Variants in CTNNA2 observed in about 807,000 individuals in gnomAD.
The protein encoded by CTNNA2 is catenin alpha-2.
In CTNNA2, 42 loss-of-function variants were observed where a neutral mutation model predicts 101.0. That is an observed-to-expected ratio of 0.42 (90% CI 0.32 to 0.54). The LOEUF (loss-of-function observed/expected upper bound fraction) is 0.54. Among genes scored for constraint, CTNNA2 ranks in the 20% least tolerant of loss-of-function variants. The pLI, the probability that CTNNA2 is intolerant of heterozygous loss-of-function variation, is 0.14. For synonymous variants in CTNNA2, 450 were observed against 456.4 expected (o/e 0.99, Z 0.18); for missense variants, 871 against 1,223.1 (o/e 0.71, Z 4.29).
At chr2:79,190,807 G>A (rs544785510) in intron 1 of CTNNA2, among the ~76,000 whole-genome samples, 24 of 152,176 alleles carry the variant, frequency 1.6e-4, no homozygotes, top group South Asian at 2.1e-4. Flanking sequence ...ACTTTTTGTC[G>A]CAAGTAAGAG....
intron 2 of CTNNA2, among the ~76,000 whole-genome samples, chr2:79,250,951 C>G (rs150966355): frequency 5.9e-5 from 9 of 152,262 alleles, no homozygotes; most frequent in East Asian, 1.9e-4. Flanking sequence ...CTACCCCAGG[C>G]TCATTTTCTA....
Position 79,827,720 on chromosome 2 carries a change from GT to G in CTNNA2, c.299-30285del, listed in dbSNP as rs899367829. 2.6e-5 allele frequency among the ~76,000 whole-genome samples: 4 copies of G among 152,118 alleles called. No individual in the cohort carries two copies. The East Asian group carries it at 5.8e-4, about 22-fold the overall frequency. On this transcript the variant is annotated intron_variant, in intron 3 of 18. Coordinates refer to ENST00000402739, the MANE Select transcript of CTNNA2 (RefSeq NM_001282597.3). ...ATATGCCATTGGGCACAAATATATG[GT>G]TTTTTTTAAAAGTCTTATGTGTCAA... is the stretch of plus-strand genomic sequence containing the variant.
chr2:80,553,458 T>C (rs1692763079), intron 11 of CTNNA2, among the ~76,000 whole-genome samples: 1 of 152,148 alleles, frequency 6.6e-6, no homozygotes, highest in Non-Finnish European at 1.5e-5. Flanking sequence ...ATTTCTACTT[T>C]TGGATAGTCC....
chr2:80,082,505 A>G lies in CTNNA2; in HGVS notation c.1056+172708A>G, dbSNP rs141491865. 3.2e-3 allele frequency among the ~76,000 whole-genome samples: 494 copies of G among 152,282 alleles called. 3 individuals carry two copies. The highest frequency in any genetic ancestry group is 0.011 in the African/African-American group (457 of 41,568). The stretch of plus-strand genomic sequence containing the variant: ...TTTGGCATCTATTTGCCTGAAGTCC[A>G]GTGCTTTTTACTTACAGGTTCTTGG... On this transcript the variant is annotated intron_variant, in intron 7 of 18. Transcript: ENST00000402739.
At chr2:80,197,862 A>G (rs1175707841) in intron 7 of CTNNA2, among the ~76,000 whole-genome samples, 2 of 152,200 alleles carry the variant, frequency 1.3e-5, no homozygotes, top group Non-Finnish European at 1.5e-5. Context: ...GAGCCCAAGC[A>G]TTCCCTACTT....
At chr2:79,535,724 C>T (rs888852872) in intron 1 of CTNNA2, among the ~76,000 whole-genome samples, 23 of 151,736 alleles carry the variant, frequency 1.5e-4, no homozygotes, top group South Asian at 1.0e-3. Context: ...CTTCCAGGGA[C>T]GGGTCAAATA....
Position 79,230,714 on chromosome 2 carries a change from G to A in CTNNA2, c.-406+32638G>A, listed in dbSNP as rs1223493801. Among the ~76,000 whole-genome samples the A allele has an allele frequency of 2.0e-5, 3 of 152,152 alleles. No homozygotes were observed. The East Asian group carries it at 5.8e-4, about 29-fold the overall frequency. On this transcript the variant is annotated intron_variant, in intron 2 of 21. Transcript: ENST00000466387. ...TACCATGTGCCTGGAAAAGCCACAGGCACTCAATGCTAGCCCATGAAAGCA... is the reference window on the plus strand; with the variant it reads ...TACCATGTGCCTGGAAAAGCCACAGACACTCAATGCTAGCCCATGAAAGCA...
At chr2:80,581,245 T>C (rs1464659512) in intron 13 of CTNNA2, among the ~76,000 whole-genome samples, 1 of 152,188 alleles carries the variant, frequency 6.6e-6, no homozygotes, top group Admixed American at 6.5e-5. Context: ...CCTGTGCTTA[T>C]AACCGTTATA....
At chr2:79,502,168 A>T (rs994728329) in intron 4 of CTNNA2, among the ~76,000 whole-genome samples, 1 of 152,128 alleles carries the variant, frequency 6.6e-6, no homozygotes, top group African/African-American at 2.4e-5. Flanking sequence ...ACAAAAAGTT[A>T]TTGTAAGAGT....
intron 7 of CTNNA2, among the ~76,000 whole-genome samples, chr2:79,999,395 G>C (rs967456006): frequency 3.3e-5 from 5 of 152,142 alleles, no homozygotes; most frequent in African/African-American, 1.2e-4. Context: ...CCTCAAAGTT[G>C]AGTATCCCCC....
chr2:79,398,236 G>C (rs906559879), intron 4 of CTNNA2, among the ~76,000 whole-genome samples: 1 of 152,048 alleles, frequency 6.6e-6, no homozygotes, highest in African/African-American at 2.4e-5. Context: ...AGTCACAATG[G>C]GATACGGACG....
At position 79,473,444 on chromosome 2, in the gene CTNNA2, G is replaced by GCA. The variant is rs372187559; in HGVS notation, c.-134-31596_-134-31595dup. ...CTCTCTCACATGTACACACACAAATGCACACACACACACACCATATTCACT... is the reference window on the plus strand; with the variant it reads ...CTCTCTCACATGTACACACACAAATGCACACACACACACACACCATATTCACT... On this transcript the variant is annotated intron_variant, in intron 4 of 21. Transcript: ENST00000466387. Among the ~76,000 whole-genome samples, 115 of 150,408 alleles carry GCA rather than the reference G, an allele frequency of 7.6e-4. 1 individual carries two copies. Among genetic ancestry groups the GCA allele is most frequent in the Admixed American group, 5.6e-3 (84 of 15,038 alleles).
At chr2:79,413,637 A>C (rs190633834) in intron 4 of CTNNA2, among the ~76,000 whole-genome samples, 1 of 152,040 alleles carries the variant, frequency 6.6e-6, no homozygotes, top group Non-Finnish European at 1.5e-5. Context: ...AGGAACTGTC[A>C]TACTGTTTAA....
chr2:79,253,115 C>T (rs891103913), intron 2 of CTNNA2, among the ~76,000 whole-genome samples: 5 of 152,186 alleles, frequency 3.3e-5, no homozygotes, highest in African/African-American at 1.2e-4. Flanking sequence ...CTCAATTTCT[C>T]AATCTGTGAA....
chr2:80,303,715 G>A lies in CTNNA2; in HGVS notation c.1057-89496G>A. 6.2e-7 allele frequency: 1 copy of A among 1,607,652 alleles called. No homozygotes were observed. Among genetic ancestry groups the A allele is most frequent in the South Asian group, 1.1e-5 (1 of 90,178 alleles). ...GGCACAGCTGCGGGCACCCGCTGGG[G>A]GCGGCGGGCAGCATCTGAAAGCAGG... On this transcript the variant is annotated intron_variant, in intron 7 of 18. Coordinates refer to ENST00000402739, the MANE Select transcript of CTNNA2 (RefSeq NM_001282597.3). This position sits in a 1 kb window ranked among gnomAD's most constrained non-coding sequence, Gnocchi z 7.7.
At chr2:79,985,242 C>A (rs1379797968) in intron 7 of CTNNA2, among the ~76,000 whole-genome samples, 1 of 152,296 alleles carries the variant, frequency 6.6e-6, no homozygotes, top group East Asian at 1.9e-4. Flanking sequence ...CTGCACACTC[C>A]ATGCCTTTAC....
At chr2:79,534,971 G>A (rs1009714704) in intron 1 of CTNNA2, among the ~76,000 whole-genome samples, 5 of 151,552 alleles carry the variant, frequency 3.3e-5, no homozygotes, top group African/African-American at 1.2e-4. Context: ...TATTGAGTAG[G>A]GAAGGCCTTT....
intron 2 of CTNNA2, among the ~76,000 whole-genome samples, chr2:79,254,654 A>G (rs1674818816): frequency 6.6e-6 from 1 of 152,212 alleles, no homozygotes; most frequent in Non-Finnish European, 1.5e-5. Flanking sequence ...CTTTATAGCA[A>G]TGCAAGAATG....
At chr2:79,978,273 T>C (rs1228968661) in intron 7 of CTNNA2, among the ~76,000 whole-genome samples, 2 of 152,272 alleles carry the variant, frequency 1.3e-5, no homozygotes, top group African/African-American at 4.8e-5. Context: ...GAGAAGGAGC[T>C]CTGCCACAGT....
Sources: gnomAD v4.1 joint callset for allele counts (sites outside exome capture counted in the v4.1 genomes callset) on GRCh38, gnomAD v4.1.1 for gene constraint, Gnocchi (gnomAD v3.1) non-coding constraint, MANE v1.5 for transcripts, NCBI Gene and HGNC (gene_info 2026-07-23, HGNC 2026-07-21) for gene names.